Variants in AGMO observed in about 807,000 individuals in gnomAD.
The protein encoded by AGMO is glyceryl-ether monooxygenase.
In AGMO, 75 loss-of-function variants were observed where a neutral mutation model predicts 60.2. The observed-to-expected ratio is 1.25, with a 90% CI of 1.03 to 1.51. AGMO has a LOEUF of 1.51. AGMO is among the 40% of genes most tolerant of loss of function. AGMO has a pLI of 0.00. For missense variants in AGMO, 763 were observed against 525.5 expected (o/e 1.45, Z -4.42); for synonymous variants, 261 against 177.1 (o/e 1.47, Z -3.76).
At chr7:15,390,249 T>G (rs1001238663) in intron 8 of AGMO, among the ~76,000 whole-genome samples, 1 of 152,118 alleles carries the variant, frequency 6.6e-6, no homozygotes, top group African/African-American at 2.4e-5. Flanking sequence ...TTCCTGACAC[T>G]TGGGTCCAAG....
chr7:15,536,955 G>A (rs1421048409), intron 3 of AGMO, among the ~76,000 whole-genome samples: 1 of 151,688 alleles, frequency 6.6e-6, no homozygotes, highest in Non-Finnish European at 1.5e-5. Context: ...AATATTTTGT[G>A]TGCTAATGCA....
the AGMO span, among the ~76,000 whole-genome samples, chr7:15,166,808 G>C: frequency 0.65 from 99,448 of 151,976 alleles, 32,686 homozygotes; most frequent in East Asian, 0.73. Context: ...CCAGGATGAT[G>C]CAAGCTTTTA....
chr7:15,489,269 G>T (rs73679632), intron 3 of AGMO, among the ~76,000 whole-genome samples: 1,562 of 152,208 alleles, frequency 0.01, 26 homozygotes, highest in African/African-American at 0.035. Context: ...GGGCAGGGGA[G>T]AAAATACTAA....
chr7:15,387,377 C>T, intron 9 of AGMO, 29 bp downstream of exon 9: 1 of 1,604,772 alleles, frequency 6.2e-7, no homozygotes, highest in Non-Finnish European at 8.5e-7. Context: ...ACAATCTTCA[C>T]CATCTCCAAT....
At chr7:15,294,720 G>A (rs939614948) in intron 12 of AGMO, among the ~76,000 whole-genome samples, 3 of 151,896 alleles carry the variant, frequency 2.0e-5, no homozygotes, top group Non-Finnish European at 4.4e-5. Context: ...AAACATAATT[G>A]AGAATTGTTC....
chr7:15,477,732 C>T (rs2128515824), intron 3 of AGMO, among the ~76,000 whole-genome samples: 1 of 152,262 alleles, frequency 6.6e-6, no homozygotes, highest in Non-Finnish European at 1.5e-5. Flanking sequence ...ACCAGACACT[C>T]AAAAGTGATT....
chr7:15,377,617 A>T (rs1037562173), intron 10 of AGMO, among the ~76,000 whole-genome samples: 7 of 152,038 alleles, frequency 4.6e-5, no homozygotes, highest in Non-Finnish European at 1.0e-4. Context: ...ATTTTATTTA[A>T]TACAACTAAG....
At chr7:15,460,610 T>G (rs1459255431) in intron 3 of AGMO, among the ~76,000 whole-genome samples, 1 of 152,110 alleles carries the variant, frequency 6.6e-6, no homozygotes, top group African/African-American at 2.4e-5. Flanking sequence ...AAGATATTAA[T>G]GAGATATAAT....
intron 12 of AGMO, among the ~76,000 whole-genome samples, chr7:15,268,695 T>A (rs1184292191): frequency 6.6e-6 from 1 of 151,936 alleles, no homozygotes. Context: ...AAAGTTGTTC[T>A]TTTTTTAAAA....
chr7:15,439,444 C>G (rs1470367665), intron 3 of AGMO, among the ~76,000 whole-genome samples: 1 of 152,084 alleles, frequency 6.6e-6, no homozygotes, highest in Non-Finnish European at 1.5e-5. Context: ...CAGCTTTTTC[C>G]TCCCTCCCTT....
Position 15,561,807 on chromosome 7 carries a change from G to A in AGMO, c.39C>T (p.Ser13=), listed in dbSNP as rs1785317893. ...TGTAAAACAACATGCGAAATCCCTG[G>A]GAAACTGAAACATCCTGCTGGGCTT... is the stretch of plus-strand genomic sequence containing the variant. ...NPEAQQDVSV[S]QGFRMLFYTM... is the part of the protein sequence containing the mutation. The change falls in exon 1 of 13, where the codon TCC becomes TCT. Residue 13 remains serine, a synonymous_variant. Transcript: ENST00000342526. 1 of 1,609,804 alleles carries A rather than the reference G, an allele frequency of 6.2e-7. No individual in the cohort carries two copies. Among genetic ancestry groups the A allele is most frequent in the East Asian group, 2.2e-5 (1 of 44,714 alleles).
the AGMO span, among the ~76,000 whole-genome samples, chr7:15,178,501 G>T: frequency 1.3e-5 from 2 of 151,846 alleles, no homozygotes; most frequent in East Asian, 3.9e-4. Flanking sequence ...TTTTTTTGTT[G>T]TTTTGTTGTC....
intron 12 of AGMO, among the ~76,000 whole-genome samples, chr7:15,350,225 C>T (rs1346701939): frequency 6.6e-6 from 1 of 152,038 alleles, no homozygotes; most frequent in African/African-American, 2.4e-5. Flanking sequence ...TAGACAAACA[C>T]CAAGCATGAA....
chr7:15,259,150 A>C (rs1783194187), intron 12 of AGMO, among the ~76,000 whole-genome samples: 1 of 152,134 alleles, frequency 6.6e-6, no homozygotes, highest in Non-Finnish European at 1.5e-5. Context: ...AAAAGAAATC[A>C]AAAACATGAT....
rs1035040022 is a variant in AGMO, at chr7:15,365,035, A to G, written c.1263+479T>C. ...TAAGAATTAACCATCACAGAAGAAC[A>G]TATTTTTCAGCTGTAGAAAAATCCC... On this transcript the variant is annotated intron_variant, in intron 12 of 12. Transcript: ENST00000342526. Among the ~76,000 whole-genome samples, 5 of 152,164 alleles carry G rather than the reference A, an allele frequency of 3.3e-5. No individual in the cohort carries two copies. In the South Asian group the frequency reaches 8.3e-4, roughly 25 times the overall value.
the AGMO span, among the ~76,000 whole-genome samples, chr7:15,154,382 G>T: frequency 2.0e-5 from 3 of 152,148 alleles, no homozygotes; most frequent in Non-Finnish European, 4.4e-5. Flanking sequence ...AGGAATCATA[G>T]ATGACACAAA....
the AGMO span, among the ~76,000 whole-genome samples, chr7:15,181,613 AATATATTAT>A: frequency 6.6e-6 from 1 of 152,138 alleles, no homozygotes; most frequent in East Asian, 1.9e-4. Context: ...TTGTAGGTTC[AATATATTAT>A]ATATATTATC....
chr7:15,352,276 T>C (rs1364230962), intron 12 of AGMO, among the ~76,000 whole-genome samples: 1 of 152,144 alleles, frequency 6.6e-6, no homozygotes, highest in Non-Finnish European at 1.5e-5. Context: ...TCCCTACTTG[T>C]CCTGCCTATT....
At chr7:15,431,197 G>A in intron 3 of AGMO, 89 bp from the exon 4 acceptor site, 4 of 858,570 alleles carry the variant, frequency 4.7e-6, no homozygotes, top group Non-Finnish European at 7.5e-6. Flanking sequence ...GTTGAGTGAG[G>A]AAGAAAAATC....
Sources: gnomAD v4.1 joint callset for allele counts (sites outside exome capture counted in the v4.1 genomes callset) on GRCh38, gnomAD v4.1.1 for gene constraint, MANE v1.5 for transcripts, NCBI Gene and HGNC (gene_info 2026-07-23, HGNC 2026-07-21) for gene names.